The following SCN1A variants were observed in gnomAD, a reference collection of about 807,000 sequenced individuals.
SCN1A encodes sodium channel protein type 1 subunit alpha.
Under a neutral mutation model 193.7 loss-of-function variants are expected in SCN1A, and 13 were observed. The observed-to-expected ratio is 0.07, with a 90% CI of 0.04 to 0.11. The LOEUF (loss-of-function observed/expected upper bound fraction) is 0.11. Ranked by LOEUF, SCN1A falls within the 10% of genes least tolerant of loss-of-function variation. The pLI is 1.00. For missense variants in SCN1A, 1,432 were observed against 2,451.1 expected (o/e 0.58, Z 8.78); for synonymous variants, 781 against 843.6 (o/e 0.93, Z 1.29).
intron 2 of SCN1A, chr2:166,104,142 A>G (rs575969074): frequency 1.3e-5 from 2 of 152,364 alleles, no homozygotes; most frequent in East Asian, 3.9e-4. Context: ...ATAATTGAAA[A>G]GAGACATAAA....
chr2:166,120,607 T>C (rs1293895856), intron 2 of SCN1A, among the ~76,000 whole-genome samples: 3 of 121,944 alleles, frequency 2.5e-5, no homozygotes, highest in East Asian at 2.3e-4. Flanking sequence ...TTTTTTTTTT[T>C]TTTTTTTTTT....
chr2:166,000,490 C>A (rs10497276), intron 24 of SCN1A, among the ~76,000 whole-genome samples: 20,792 of 151,660 alleles, frequency 0.14, 1,814 homozygotes, highest in East Asian at 0.33. Flanking sequence ...TAATTTGTTA[C>A]TTGTCCTGGG....
intron 1 of SCN1A, among the ~76,000 whole-genome samples, chr2:166,138,658 G>A (rs1370217031): frequency 1.3e-5 from 2 of 152,224 alleles, no homozygotes; most frequent in Non-Finnish European, 2.9e-5. Context: ...GGCCCTCATG[G>A]AGAACCTCTG....
chr2:166,041,387 A>G lies in SCN1A; in HGVS notation c.2259T>C (p.Tyr753=). 6.2e-7 allele frequency: 1 copy of G among 1,613,918 alleles called. No individual in the cohort carries two copies. Among genetic ancestry groups the G allele is most frequent in the Non-Finnish European group, 8.5e-7 (1 of 1,179,914 alleles). The change falls in exon 16 of 29, where the codon TAT becomes TAC. Residue 753 remains tyrosine, a synonymous_variant. Coordinates refer to ENST00000674923, the MANE Select transcript of SCN1A (RefSeq NM_001165963.4). Reference sequence around the variant, plus strand: ...TGACAACATGTTTCACTTTTAACCAATATGGAGAACAGTCCCAGATTAAGA... The same window carrying G: ...TGACAACATGTTTCACTTTTAACCAGTATGGAGAACAGTCCCAGATTAAGA... ...NIFLIWDCSP[Y]WLKVKHVVNL...
intron 24 of SCN1A, 186 bp from the exon 25 acceptor site, chr2:165,999,962 T>C: frequency 1.6e-6 from 1 of 617,814 alleles, no homozygotes; most frequent in East Asian, 2.8e-5. Context: ...AGAACACATA[T>C]TGAACAAAAT....
intron 17 of SCN1A, among the ~76,000 whole-genome samples, chr2:166,038,365 T>C (rs1366520413): frequency 3.3e-5 from 5 of 152,048 alleles, no homozygotes; most frequent in African/African-American, 1.2e-4. Context: ...CTTTTCTTTT[T>C]TTTTTTCTTT....
intron 2 of SCN1A, among the ~76,000 whole-genome samples, chr2:166,098,294 C>T (rs943497678): frequency 7.9e-5 from 12 of 152,176 alleles, no homozygotes; most frequent in African/African-American, 2.2e-4. Flanking sequence ...AATTAAGATG[C>T]GGAAAAGGCT....
chr2:166,147,773 T>C (rs1169323233), intron 1 of SCN1A, among the ~76,000 whole-genome samples: 1 of 152,196 alleles, frequency 6.6e-6, no homozygotes, highest in Admixed American at 6.5e-5. Flanking sequence ...CAGCATACAA[T>C]TGTAAGTGGT....
Position 166,013,914 on chromosome 2 carries a change from A to G in SCN1A, c.3551-16T>C. ...TGTACACAGCCTGCAGAAAGTGTTG[A>G]AATAAAAGTAGATAAAGTGTCTCTG... On this transcript the variant is annotated splice_polypyrimidine_tract_variant and intron_variant, in intron 20 of 28. Coordinates refer to ENST00000674923, the MANE Select transcript of SCN1A (RefSeq NM_001165963.4). The G allele has an allele frequency of 1.2e-6, 2 of 1,609,586 alleles. No homozygotes were observed. Among genetic ancestry groups the G allele is most frequent in the Non-Finnish European group, 1.7e-6 (2 of 1,178,050 alleles).
At chr2:166,116,284 T>A (rs1574569607) in intron 2 of SCN1A, among the ~76,000 whole-genome samples, 1 of 152,290 alleles carries the variant, frequency 6.6e-6, no homozygotes, top group African/African-American at 2.4e-5. Flanking sequence ...ACTTCTTACA[T>A]TGGTTTAGGT....
intron 4 of SCN1A, among the ~76,000 whole-genome samples, chr2:166,066,976 G>C (rs1341231967): frequency 1.3e-5 from 2 of 151,976 alleles, no homozygotes; most frequent in Admixed American, 6.6e-5. Flanking sequence ...CCTATTACAG[G>C]TCAGCTTGAT....
chr2:166,036,561 T>G (rs750569169), intron 18 of SCN1A, 31 bp from the exon 19 acceptor site: 47 of 1,605,162 alleles, frequency 2.9e-5, no homozygotes, highest in Non-Finnish European at 3.7e-5. Context: ...GATTATAATT[T>G]TACACCAATG....
chr2:166,029,243 G>A (rs1210629451), intron 19 of SCN1A, among the ~76,000 whole-genome samples: 9 of 152,022 alleles, frequency 5.9e-5, no homozygotes, highest in Non-Finnish European at 8.8e-5. Flanking sequence ...AGGACAGAAC[G>A]GTTACGGGAT....
At chr2:166,062,125 G>A (rs1219380180) in intron 4 of SCN1A, among the ~76,000 whole-genome samples, 1 of 152,042 alleles carries the variant, frequency 6.6e-6, no homozygotes, top group Non-Finnish European at 1.5e-5. Context: ...CTAACAATAA[G>A]GCCAACATTA....
chr2:166,005,568 T>C (rs1195252385), intron 23 of SCN1A, among the ~76,000 whole-genome samples: 1 of 151,374 alleles, frequency 6.6e-6, no homozygotes, highest in African/African-American at 2.4e-5. Flanking sequence ...AATAACTTTA[T>C]CTTAGAAAAC....
chr2:166,071,961 C>G (rs938513305), intron 4 of SCN1A: 4 of 150,708 alleles, frequency 2.7e-5, no homozygotes, highest in Non-Finnish European at 1.5e-5. Flanking sequence ...AAAAAAAAAT[C>G]TGAACCTAAG....
intron 24 of SCN1A, among the ~76,000 whole-genome samples, chr2:166,001,877 C>T (rs1345143407): frequency 1.8e-5 from 2 of 112,966 alleles, no homozygotes; most frequent in African/African-American, 6.5e-5. Flanking sequence ...ATAATTCTCT[C>T]TCTTTTTTTT....
intron 2 of SCN1A, among the ~76,000 whole-genome samples, chr2:166,085,263 A>G (rs497594): frequency 0.24 from 37,039 of 152,064 alleles, 5,152 homozygotes; most frequent in East Asian, 0.46. Flanking sequence ...AGTGTTATTA[A>G]GAAATCATAG....
chr2:166,061,172 G>A (rs899948231), intron 4 of SCN1A, among the ~76,000 whole-genome samples: 1 of 152,142 alleles, frequency 6.6e-6, no homozygotes, highest in African/African-American at 2.4e-5. Flanking sequence ...CACCTGTGAT[G>A]CTGGCTCCTT....
Sources: gnomAD v4.1 joint callset for allele counts (sites outside exome capture counted in the v4.1 genomes callset) on GRCh38, gnomAD v4.1.1 for gene constraint, MANE v1.5 for transcripts, NCBI Gene and HGNC (gene_info 2026-07-23, HGNC 2026-07-21) for gene names.